The following FMO1 variants were observed in gnomAD, a reference collection of about 807,000 sequenced individuals.
The protein encoded by FMO1 is flavin containing dimethylaniline monoxygenase 1, also known as flavin-containing monooxygenase 1.
FMO1 carries 36 observed loss-of-function variants against 45.4 expected under a neutral mutation model. The ratio of observed to expected loss-of-function variants is 0.79; its 90% CI spans 0.61 to 1.05. The LOEUF (loss-of-function observed/expected upper bound fraction) is 1.05. Among genes scored for constraint, FMO1 ranks in the 50% least tolerant of loss-of-function variants. The pLI is 0.00. For synonymous variants in FMO1, 228 were observed against 227.2 expected (o/e 1.00, Z -0.03); for missense variants, 615 against 640.3 (o/e 0.96, Z 0.43).
At chr1:171,262,200 C>T (rs1360703655) in intron 2 of FMO1, among the ~76,000 whole-genome samples, 3 of 151,928 alleles carry the variant, frequency 2.0e-5, no homozygotes, top group African/African-American at 4.8e-5. Flanking sequence ...TTTGGAAGGC[C>T]GAGGTGGACA....
intron 1 of FMO1, among the ~76,000 whole-genome samples, chr1:171,255,604 C>T (rs1660112547): frequency 6.6e-6 from 1 of 152,172 alleles, no homozygotes; most frequent in South Asian, 2.1e-4. Flanking sequence ...GAGCCCATTC[C>T]TTCTGTCTGG....
At chr1:171,278,469 C>G (rs750445853) in intron 4 of FMO1, among the ~76,000 whole-genome samples, 7 of 151,854 alleles carry the variant, frequency 4.6e-5, no homozygotes, top group Middle Eastern at 3.2e-3. Flanking sequence ...TATCTTTATG[C>G]CATAATATTT....
intron 6 of FMO1, among the ~76,000 whole-genome samples, chr1:171,281,482 C>G (rs1270313735): frequency 6.6e-6 from 1 of 152,208 alleles, no homozygotes; most frequent in Non-Finnish European, 1.5e-5. Flanking sequence ...AATGGCTCAG[C>G]TTATACAAGA....
At chr1:171,273,680 T>A (rs1297622224) in intron 3 of FMO1, among the ~76,000 whole-genome samples, 2 of 152,094 alleles carry the variant, frequency 1.3e-5, no homozygotes, top group Non-Finnish European at 2.9e-5. Flanking sequence ...TGCCTGGCTA[T>A]ATTTTTTTTA....
chr1:171,262,204 G>A (rs1228111480), intron 2 of FMO1, among the ~76,000 whole-genome samples: 6 of 152,072 alleles, frequency 3.9e-5, no homozygotes, highest in Non-Finnish European at 7.4e-5. Context: ...GAAGGCCGAG[G>A]TGGACAGATC....
chr1:171,280,683 AC>A (rs1661310578), intron 5 of FMO1, 102 bp from the exon 6 acceptor site: 1 of 912,610 alleles, frequency 1.1e-6, no homozygotes, highest in East Asian at 2.5e-5. Flanking sequence ...AGAGTGGCAG[AC>A]TTTTCAGTGC....
chr1:171,262,153 AGCCAG>A (rs1660403500), intron 2 of FMO1, among the ~76,000 whole-genome samples: 1 of 152,168 alleles, frequency 6.6e-6, no homozygotes, highest in South Asian at 2.1e-4. Flanking sequence ...AGAGAAGGTC[AGCCAG>A]GCACAGTGGC....
intron 2 of FMO1, among the ~76,000 whole-genome samples, chr1:171,267,119 A>G (rs1053344139): frequency 1.3e-5 from 2 of 152,198 alleles, no homozygotes; most frequent in Non-Finnish European, 2.9e-5. Flanking sequence ...TTAGCAATCA[A>G]GTGGATTTGT....
rs771272624 is a variant in FMO1, at chr1:171,258,174, C to A, written c.87C>A (p.Thr29=). Residue 29 remains threonine, a synonymous_variant, in exon 2 of 9, where the codon ACC becomes ACA. Coordinates refer to ENST00000617670, the MANE Select transcript of FMO1 (RefSeq NM_001282693.2). Reference sequence around the variant, plus strand: ...GTCTGGAAGAAGGACTGGAGCCCACCTGCTTTGAGAGGAGCGATGACCTTG... The same window carrying A: ...GTCTGGAAGAAGGACTGGAGCCCACATGCTTTGAGAGGAGCGATGACCTTG... ...KCCLEEGLEP[T]CFERSDDLGG... is the part of the protein sequence containing the mutation. 6.2e-7 allele frequency: 1 copy of A among 1,614,204 alleles called. No individual in the cohort carries two copies. The highest frequency in any genetic ancestry group is 8.5e-7 in the Non-Finnish European group (1 of 1,180,030).
rs1486084682 is a variant in FMO1, at chr1:171,285,341, G to T, written c.1396G>T (p.Gly466Cys). 6.2e-7 allele frequency: 1 copy of T among 1,613,784 alleles called. No individual in the cohort carries two copies. The highest frequency in any genetic ancestry group is 8.5e-7 in the Non-Finnish European group (1 of 1,179,962). ...DPHLALTVFF[G>C]PCSPYQFRLT... ...ACATCTGGCTCTGACCGTCTTCTTT[G>T]GCCCATGCTCACCATACCAGTTCCG... The change falls in exon 9 of 9, where the codon GGC becomes TGC. Residue 466 changes from glycine to cysteine, a missense_variant. Transcript: ENST00000617670.
In FMO1 at chr1:171,280,887, G is replaced by A; in HGVS notation, c.729G>A (p.Leu243=). The A allele has an allele frequency of 6.2e-7, 1 of 1,613,980 alleles. No individual in the cohort carries two copies. The highest frequency in any genetic ancestry group is 8.5e-7 in the Non-Finnish European group (1 of 1,179,882). The change falls in exon 6 of 9, where the codon TTG becomes TTA. Residue 243 remains leucine (L), a synonymous_variant. Coordinates refer to ENST00000617670, the MANE Select transcript of FMO1 (RefSeq NM_001282693.2). ...TCATGACACGCTTTCAGAACATGTT[G>A]AGAAATTCCCTCCCAACCCCAATTG... ...MVFMTRFQNM[L]RNSLPTPIVT...
At chr1:171,281,572 A>G (rs1486773612) in intron 6 of FMO1, among the ~76,000 whole-genome samples, 3 of 152,180 alleles carry the variant, frequency 2.0e-5, no homozygotes, top group Non-Finnish European at 4.4e-5. Context: ...CTTTAAATAC[A>G]TGCATGTTTC....
chr1:171,260,910 C>T, intron 2 of FMO1, among the ~76,000 whole-genome samples: 1 of 39,806 alleles, frequency 2.5e-5, no homozygotes, highest in East Asian at 4.4e-4. Context: ...AAGGCTCCAT[C>T]TCAAAAAAAA....
In FMO1 at chr1:171,263,793, G is replaced by T. The variant is rs28360368; in HGVS notation, c.133-3750G>T. 9.1e-3 allele frequency among the ~76,000 whole-genome samples: 1,384 copies of T among 152,246 alleles called. 24 individuals are homozygous for T. The highest frequency in any genetic ancestry group is 0.032 in the African/African-American group (1,329 of 41,526). On this transcript the variant is annotated intron_variant, in intron 2 of 8. Coordinates refer to ENST00000617670, the MANE Select transcript of FMO1 (RefSeq NM_001282693.2). The stretch of plus-strand genomic sequence containing the variant: ...ACAATTCCCAGAGTGTCTGCAGCAC[G>T]GGTGGGAGGGTGCAGTGTGGGTATT...
At chr1:171,269,556 A>G (rs903980003) in intron 3 of FMO1, among the ~76,000 whole-genome samples, 1 of 152,216 alleles carries the variant, frequency 6.6e-6, no homozygotes, top group Non-Finnish European at 1.5e-5. Flanking sequence ...GAAAGAATCC[A>G]AGTCAAAATT....
At position 171,255,880 on chromosome 1, in the gene FMO1, T is replaced by C. The variant is rs1398719742; in HGVS notation, c.-6-2202T>C. ...GCATGCTTCTGTGCACAACTGCCAA[T>C]ATCATATGTATATATGCAATACTCT... On this transcript the variant is annotated intron_variant, in intron 1 of 8. Coordinates refer to ENST00000617670, the MANE Select transcript of FMO1 (RefSeq NM_001282693.2). Among the ~76,000 whole-genome samples the C allele has an allele frequency of 2.6e-5, 4 of 152,206 alleles. No individual in the cohort carries two copies. The East Asian group carries it at 7.7e-4, about 29-fold the overall frequency.
chr1:171,274,978 T>G (rs1477037761), intron 3 of FMO1, among the ~76,000 whole-genome samples: 1 of 152,218 alleles, frequency 6.6e-6, no homozygotes, highest in Non-Finnish European at 1.5e-5. Context: ...TACCCATGTA[T>G]CTGTCAAAGA....
chr1:171,278,711 C>T lies in FMO1; in HGVS notation c.485-18C>T. 6.5e-7 allele frequency: 1 copy of T among 1,539,202 alleles called. No homozygotes were observed. ...ATCCTGTTAATTCTCTGTGTGACTTCTCTTTTATTTTCTATAGGTATTAAT... is the reference window on the plus strand; with the variant it reads ...ATCCTGTTAATTCTCTGTGTGACTTTTCTTTTATTTTCTATAGGTATTAAT... On this transcript the variant is annotated intron_variant, in intron 4 of 8. Coordinates refer to ENST00000617670, the MANE Select transcript of FMO1 (RefSeq NM_001282693.2).
intron 3 of FMO1, among the ~76,000 whole-genome samples, chr1:171,268,632 G>C (rs1325941590): frequency 6.7e-6 from 1 of 149,496 alleles, no homozygotes; most frequent in Admixed American, 6.6e-5. Context: ...TTTTTTCTCT[G>C]TTTCCTCTCC....
Sources: gnomAD v4.1 joint callset for allele counts (sites outside exome capture counted in the v4.1 genomes callset) on GRCh38, gnomAD v4.1.1 for gene constraint, MANE v1.5 for transcripts, NCBI Gene and HGNC (gene_info 2026-07-23, HGNC 2026-07-21) for gene names.